The following TPCN1 variants were observed in gnomAD, a reference collection of about 807,000 sequenced individuals.
TPCN1 encodes two pore segment channel 1.
Under a neutral mutation model 108.8 loss-of-function variants are expected in TPCN1, and 52 were observed. The ratio of observed to expected loss-of-function variants is 0.48; its 90% confidence interval spans 0.38 to 0.60. The LOEUF is 0.60. Ranked by LOEUF, TPCN1 falls within the 20% of genes least tolerant of loss-of-function variation. The pLI, the probability that TPCN1 is intolerant of heterozygous loss-of-function variation, is 0.00. For synonymous variants in TPCN1, 446 were observed against 433.7 expected, an observed-to-expected ratio of 1.03 and a Z score of -0.35; for missense variants, 806 against 1,072.8, an observed-to-expected ratio of 0.75 and a Z score of 3.47.
intron 1 of TPCN1, among the ~76,000 whole-genome samples, chr12:113,223,145 TAAG>T (rs1953320380): frequency 6.6e-6 from 1 of 151,942 alleles, no homozygotes; most frequent in African/African-American, 2.4e-5. Flanking sequence ...GGAGGAAACT[TAAG>T]AAAAAAAAAC....
chr12:113,233,664 G>C (rs938166296), intron 2 of TPCN1, among the ~76,000 whole-genome samples: 1 of 152,222 alleles, frequency 6.6e-6, no homozygotes, highest in Non-Finnish European at 1.5e-5. Context: ...GCCTGGGTCA[G>C]GGTATGTGCA....
intron 2 of TPCN1, among the ~76,000 whole-genome samples, chr12:113,247,396 C>T (rs1053743518): frequency 5.9e-5 from 9 of 152,238 alleles, no homozygotes; most frequent in Non-Finnish European, 8.8e-5. Flanking sequence ...CTGCCCCCTG[C>T]CTTCCCGCTT....
chr12:113,257,443 A>T (rs1954866768), intron 2 of TPCN1, among the ~76,000 whole-genome samples: 1 of 151,764 alleles, frequency 6.6e-6, no homozygotes, highest in African/African-American at 2.4e-5. Flanking sequence ...GTGAGCTGAG[A>T]TGGCACCACT....
chr12:113,272,872 T>C lies in TPCN1; in HGVS notation c.783+180T>C, dbSNP rs1331155673. ...CACTCAGACTTGACCACTTTCTTCC[T>C]TGAGAGCTGGGGATCCCCTTTTCTG... is the stretch of plus-strand genomic sequence containing the variant. On this transcript the variant is annotated intron_variant, in intron 8 of 27. Transcript: ENST00000335509. This position sits in a 1 kb window ranked among gnomAD's most constrained non-coding sequence, Gnocchi z 4.1. 6.6e-6 allele frequency among the ~76,000 whole-genome samples: 1 copy of C among 152,158 alleles called. No individual in the cohort carries two copies. Among genetic ancestry groups the C allele is most frequent in the African/African-American group, 2.4e-5 (1 of 41,430 alleles).
intron 22 of TPCN1, 60 bp from the exon 23 acceptor site, chr12:113,290,892 T>G (rs1190045272): frequency 4.0e-5 from 63 of 1,561,732 alleles, no homozygotes; most frequent in African/African-American, 6.8e-5. Context: ...AAGAGGCCAC[T>G]TGAAATTGAC....
chr12:113,284,600 C>G lies in TPCN1; in HGVS notation c.1362C>G (p.Asn454Lys). Reference protein sequence around the residue: ...QYFMYLVVAVNGVWILVETFM... With the variant: ...QYFMYLVVAVKGVWILVETFM... ...TTTCAGACTTGGTGGTGGCAGTCAA[C>G]GGGGTCTGGATCCTCGTGGAGACAT... Residue 454 changes from asparagine to lysine, a missense_variant, in exon 16 of 28, where the codon AAC (asparagine) becomes AAG (lysine). Transcript: ENST00000335509. This position sits in a 1 kb window ranked among gnomAD's most constrained non-coding sequence, Gnocchi z 4.1. 6.2e-7 allele frequency: 1 copy of G among 1,614,190 alleles called. No individual in the cohort carries two copies. The highest frequency in any genetic ancestry group is 8.5e-7 in the Non-Finnish European group (1 of 1,180,036).
chr12:113,233,784 C>T (rs1421036030), intron 2 of TPCN1, among the ~76,000 whole-genome samples: 1 of 152,158 alleles, frequency 6.6e-6, no homozygotes, highest in East Asian at 1.9e-4. Flanking sequence ...TTTGGGGGGC[C>T]GTTACTTTCA....
In TPCN1 at chr12:113,288,381, C is replaced by A; in HGVS notation, c.1706+147C>A. 1 of 1,503,406 alleles carries A rather than the reference C, an allele frequency of 6.7e-7. No homozygotes were observed. Among genetic ancestry groups the A allele is most frequent in the South Asian group, 1.3e-5 (1 of 79,638 alleles). The allele number at this position is 1,503,406 out of a possible 1,614,324, so 93.1% of individuals were successfully genotyped here. A position where few individuals can be genotyped will look rare whatever the true frequency, so the allele number is the denominator to read the frequency against. ...GACGGGGCTCCAAGGAGCCTGGAATCTTGACCACCACAGGTCTCCTGGGCA... is the reference window on the plus strand; with the variant it reads ...GACGGGGCTCCAAGGAGCCTGGAATATTGACCACCACAGGTCTCCTGGGCA... On this transcript the variant is annotated intron_variant, in intron 20 of 27. Coordinates refer to ENST00000335509, the MANE Select transcript of TPCN1 (RefSeq NM_017901.6). This position sits in a 1 kb window ranked among gnomAD's most constrained non-coding sequence, Gnocchi z 4.8.
Position 113,277,027 on chromosome 12 carries a change from A to T in TPCN1, c.1051A>T (p.Ser351Cys), listed in dbSNP as rs1955697900. The part of the protein sequence containing the change: ...AIQHAYRLLI[S>C]QRRPAGISYR... ...CCAGCATGCCTACCGCCTGCTCATCAGCCAGAGGGTAGGAACTATGGGCCA... is the reference window on the plus strand; with the variant it reads ...CCAGCATGCCTACCGCCTGCTCATCTGCCAGAGGGTAGGAACTATGGGCCA... Residue 351 changes from serine (S) to cysteine (C), a missense_variant, in exon 11 of 28, where the codon AGC (serine) becomes TGC (cysteine). Ser to Cys is a moderately radical substitution (Grantham distance 112, BLOSUM62 -1). Transcript: ENST00000335509. The T allele has an allele frequency of 1.9e-6, 3 of 1,613,506 alleles. No homozygotes were observed. The East Asian group carries it at 6.7e-5, about 36-fold the overall frequency.
At chr12:113,227,331 C>G (rs1372191056) in intron 2 of TPCN1, among the ~76,000 whole-genome samples, 1 of 152,200 alleles carries the variant, frequency 6.6e-6, no homozygotes, top group Admixed American at 6.5e-5. Context: ...GATTTCAACA[C>G]CAGCCTCCGT....
intron 2 of TPCN1, among the ~76,000 whole-genome samples, chr12:113,238,463 A>G (rs927863143): frequency 6.6e-6 from 1 of 151,374 alleles, no homozygotes; most frequent in East Asian, 1.9e-4. Context: ...CAGTAGCTGT[A>G]TATTAGAGTG....
intron 22 of TPCN1, among the ~76,000 whole-genome samples, chr12:113,290,525 G>C (rs1566205199): frequency 6.6e-6 from 1 of 152,222 alleles, no homozygotes; most frequent in South Asian, 2.1e-4. Flanking sequence ...CCTCATCACA[G>C]TGCCACTTGC....
At chr12:113,251,241 C>T (rs1312445312) in intron 2 of TPCN1, among the ~76,000 whole-genome samples, 1 of 152,110 alleles carries the variant, frequency 6.6e-6, no homozygotes, top group East Asian at 1.9e-4. Flanking sequence ...GTTGAGGCTG[C>T]AGTGAGCCAT....
intron 2 of TPCN1, among the ~76,000 whole-genome samples, chr12:113,227,795 G>C (rs185094771): frequency 6.6e-6 from 1 of 152,152 alleles, no homozygotes; most frequent in African/African-American, 2.4e-5. Context: ...AAGGAGAGAC[G>C]AGCCAGGCTC....
At chr12:113,237,928 C>T (rs976847348) in intron 2 of TPCN1, among the ~76,000 whole-genome samples, 47 of 152,204 alleles carry the variant, frequency 3.1e-4, no homozygotes, top group African/African-American at 9.9e-4. Context: ...TCAGAAAGTA[C>T]GTTGAAGTTC....
chr12:113,259,750 C>A (rs1405331003), intron 2 of TPCN1, among the ~76,000 whole-genome samples: 2 of 152,200 alleles, frequency 1.3e-5, no homozygotes, highest in African/African-American at 4.8e-5. Flanking sequence ...TTGCCAGGCC[C>A]AGGTCACCTG....
In TPCN1 at chr12:113,273,838, C is replaced by T. The variant is rs535211751; in HGVS notation, c.942+170C>T. Among the ~76,000 whole-genome samples, 4 of 152,292 alleles carry T rather than the reference C, an allele frequency of 2.6e-5. No individual in the cohort carries two copies. Among genetic ancestry groups the T allele is most frequent in the South Asian group, 2.1e-4 (1 of 4,830 alleles). On this transcript the variant is annotated intron_variant, in intron 10 of 27. Transcript: ENST00000335509. The surrounding 1 kb of genome is among the most constrained non-coding windows in gnomAD (Gnocchi z 4.0). ...TGCGGTGTTGCAGGGAATGCCCTGT[C>T]GGGACTTCAGGAGTTCAGCCAGTTG...
At chr12:113,257,685 G>A (rs1954876159) in intron 2 of TPCN1, among the ~76,000 whole-genome samples, 1 of 152,114 alleles carries the variant, frequency 6.6e-6, no homozygotes, top group Admixed American at 6.6e-5. Flanking sequence ...GAAACAAAAA[G>A]TGTACATCCA....
Position 113,240,285 on chromosome 12 carries a change from G to T in TPCN1, c.112+13321G>T, listed in dbSNP as rs571152317. 2.6e-5 allele frequency among the ~76,000 whole-genome samples: 4 copies of T among 152,318 alleles called. No homozygotes were observed. In the South Asian group the frequency reaches 8.3e-4, roughly 32 times the overall value. ...GGGGACACAGAAGTCTATAAATGGA[G>T]GTGGCTTGGGAGATTCTTAGGCTGT... On this transcript the variant is annotated intron_variant, in intron 2 of 27. Transcript: ENST00000335509.
Sources: gnomAD v4.1 joint callset for allele counts (sites outside exome capture counted in the v4.1 genomes callset) on GRCh38, gnomAD v4.1.1 for gene constraint, Gnocchi (gnomAD v3.1) non-coding constraint, MANE v1.5 for transcripts, NCBI Gene and HGNC (gene_info 2026-07-23, HGNC 2026-07-21) for gene names.